PTPRK: variants seen among roughly 807,000 people sequenced by gnomAD.
PTPRK encodes the protein protein tyrosine phosphatase receptor type K, also known as receptor-type tyrosine-protein phosphatase kappa.
In PTPRK, 75 loss-of-function variants were observed where a neutral mutation model predicts 178.0. The observed-to-expected ratio is 0.42, with a 90% CI of 0.35 to 0.51. The LOEUF is 0.51. Among genes scored for constraint, PTPRK ranks in the 20% least tolerant of loss-of-function variants. The pLI, the probability that PTPRK is intolerant of heterozygous loss-of-function variation, is 0.02. For missense variants in PTPRK, 1,441 were observed against 1,797.8 expected (o/e 0.80, Z 3.59); for synonymous variants, 637 against 620.6 (o/e 1.03, Z -0.39).
intron 6 of PTPRK, among the ~76,000 whole-genome samples, chr6:128,215,383 T>C (rs1809088827): frequency 6.6e-6 from 1 of 152,190 alleles, no homozygotes; most frequent in Admixed American, 6.5e-5. Flanking sequence ...TTGAAGCTTA[T>C]AAATACTACT....
rs185827142 is a variant in PTPRK, at chr6:128,131,309, C to G, written c.1163-41317G>C. 1.9e-3 allele frequency among the ~76,000 whole-genome samples: 286 copies of G among 152,180 alleles called. 1 individual carries two copies. The highest frequency in any genetic ancestry group is 6.8e-3 in the African/African-American group (283 of 41,526). On this transcript the variant is annotated intron_variant, in intron 7 of 29. Coordinates refer to ENST00000368226, the MANE Select transcript of PTPRK (RefSeq NM_002844.4). ...GCTTGAAAAACTACTTCTCTGGTAG[C>G]AAAAAACATGGGTGATCAGTTCCAG...
Position 128,370,380 on chromosome 6 carries a change from T to C in PTPRK, c.223+27186A>G, listed in dbSNP as rs113922504. 9.1e-3 allele frequency among the ~76,000 whole-genome samples: 1,392 copies of C among 152,180 alleles called. 15 individuals are homozygous for C. The highest frequency in any genetic ancestry group is 0.032 in the African/African-American group (1,316 of 41,552). On this transcript the variant is annotated intron_variant, in intron 2 of 29. Transcript: ENST00000368226. ...ACAGAATAAACAGTAAAATAGGGAA[T>C]AGAACTCAGGGTCCCCTAAGCTATT...
chr6:128,022,314 G>A (rs554847507), intron 13 of PTPRK, among the ~76,000 whole-genome samples: 2 of 152,200 alleles, frequency 1.3e-5, no homozygotes, highest in South Asian at 4.1e-4. Flanking sequence ...TGTTGGTAGC[G>A]GGGCTGGAAG....
chr6:128,068,330 C>G lies in PTPRK; in HGVS notation c.1884-538G>C, dbSNP rs576081022. 7.2e-5 allele frequency among the ~76,000 whole-genome samples: 11 copies of G among 152,302 alleles called. No individual in the cohort carries two copies. In the South Asian group the frequency reaches 1.9e-3, roughly 26 times the overall value. On this transcript the variant is annotated intron_variant, in intron 11 of 29. Transcript: ENST00000368226. ...CCATGGCATCTACACTGGCTCAGAGCTATGTAGATCTAAAATACAAGTGAC... is the reference window on the plus strand; with the variant it reads ...CCATGGCATCTACACTGGCTCAGAGGTATGTAGATCTAAAATACAAGTGAC...
chr6:128,423,117 T>A (rs189084826), intron 1 of PTPRK, among the ~76,000 whole-genome samples: 1 of 152,288 alleles, frequency 6.6e-6, no homozygotes, highest in East Asian at 1.9e-4. Context: ...ATTTTCAGAG[T>A]CTTCTCATGA....
chr6:128,384,570 C>T lies in PTPRK; in HGVS notation c.223+12996G>A, dbSNP rs1015947404. Among the ~76,000 whole-genome samples the T allele has an allele frequency of 7.9e-5, 12 of 152,086 alleles. No individual in the cohort carries two copies. The Middle Eastern group carries it at 0.01, about 129-fold the overall frequency. The stretch of plus-strand genomic sequence containing the variant: ...GACAAGCTTGATGTAAATAAAACCA[C>T]CAGTGGAAAGAGTTTGTTGTGAGTT... On this transcript the variant is annotated intron_variant, in intron 2 of 29. Coordinates refer to ENST00000368226, the MANE Select transcript of PTPRK (RefSeq NM_002844.4).
At chr6:128,201,463 A>C (rs1409571971) in intron 6 of PTPRK, among the ~76,000 whole-genome samples, 1 of 152,236 alleles carries the variant, frequency 6.6e-6, no homozygotes, top group African/African-American at 2.4e-5. Context: ...AGAATCTAAA[A>C]AAAGGACATG....
intron 13 of PTPRK, among the ~76,000 whole-genome samples, chr6:128,040,075 T>C (rs2114832144): frequency 6.6e-6 from 1 of 152,264 alleles, no homozygotes; most frequent in East Asian, 1.9e-4. Context: ...CAAGAGAAAA[T>C]GCCTGAATTA....
intron 3 of PTPRK, among the ~76,000 whole-genome samples, chr6:128,309,863 A>T (rs909269564): frequency 6.6e-6 from 1 of 151,626 alleles, no homozygotes; most frequent in East Asian, 1.9e-4. Flanking sequence ...CCTCCCAACA[A>T]TATGATCACA....
At chr6:128,082,727 G>T in intron 9 of PTPRK, 89 bp from the exon 10 acceptor site, 1 of 922,864 alleles carries the variant, frequency 1.1e-6, no homozygotes, top group Non-Finnish European at 1.6e-6. Flanking sequence ...GTATGCAAGG[G>T]CATCCATGTG....
Position 127,988,830 on chromosome 6 carries a change from A to G in PTPRK, c.3096+1939T>C, listed in dbSNP as rs1483954240. Among the ~76,000 whole-genome samples, 7 of 151,272 alleles carry G rather than the reference A, an allele frequency of 4.6e-5. No individual in the cohort carries two copies. In the East Asian group the frequency reaches 1.4e-3, roughly 29 times the overall value. ...CTCATTTGTTTCTTTTTTATATTTA[A>G]TTTTTCCTTTGTTCTATTCTACTTT... On this transcript the variant is annotated intron_variant, in intron 21 of 29. Transcript: ENST00000368226.
At chr6:128,484,464 A>C (rs888225643) in intron 1 of PTPRK, among the ~76,000 whole-genome samples, 2 of 152,164 alleles carry the variant, frequency 1.3e-5, no homozygotes, top group African/African-American at 4.8e-5. Flanking sequence ...ATAAATTTCT[A>C]CCTAGAGGCT....
chr6:128,239,409 A>G lies in PTPRK; in HGVS notation c.693+626T>C, dbSNP rs572342329. Among the ~76,000 whole-genome samples, 240 of 152,304 alleles carry G rather than the reference A, an allele frequency of 1.6e-3. 1 individual carries two copies. Among genetic ancestry groups the G allele is most frequent in the African/African-American group, 5.7e-3 (236 of 41,572 alleles). ...TCTATAAATTCTCTGAAGGCAAGGC[A>G]TATTTCTTAGTCTATAGTTTTATCT... On this transcript the variant is annotated intron_variant, in intron 5 of 29. Coordinates refer to ENST00000368226, the MANE Select transcript of PTPRK (RefSeq NM_002844.4).
At chr6:128,013,250 C>T (rs1396266722) in intron 13 of PTPRK, among the ~76,000 whole-genome samples, 1 of 151,306 alleles carries the variant, frequency 6.6e-6, no homozygotes, top group Admixed American at 6.6e-5. Flanking sequence ...AAAATAGGTG[C>T]CCCTTTGAGT....
chr6:128,254,970 A>G (rs1817040956), intron 3 of PTPRK, among the ~76,000 whole-genome samples: 2 of 152,104 alleles, frequency 1.3e-5, no homozygotes, highest in Non-Finnish European at 2.9e-5. Flanking sequence ...ATAAAACAAA[A>G]TAAGTGGAAT....
chr6:128,183,045 T>A lies in PTPRK; in HGVS notation c.1162+1387A>T, dbSNP rs531732297. Among the ~76,000 whole-genome samples the A allele has an allele frequency of 2.1e-4, 32 of 152,302 alleles. No individual in the cohort carries two copies. The South Asian group carries it at 6.4e-3, about 31-fold the overall frequency. ...TGTACATTATAAATGTATGTATATG[T>A]AGAAAAGTGTAATTTTATTAGAAAA... On this transcript the variant is annotated intron_variant, in intron 7 of 29. Coordinates refer to ENST00000368226, the MANE Select transcript of PTPRK (RefSeq NM_002844.4).
intron 3 of PTPRK, among the ~76,000 whole-genome samples, chr6:128,302,391 CAAAAAAAAAAAAA>C (rs534525238): frequency 5.2e-4 from 16 of 30,952 alleles, no homozygotes; most frequent in East Asian, 2.9e-3. Context: ...GACTCAATTC[CAAAAAAAAAAAAA>C]AAAAAAAAAA....
intron 1 of PTPRK, among the ~76,000 whole-genome samples, chr6:128,439,597 C>G (rs1207857305): frequency 6.6e-6 from 1 of 152,122 alleles, no homozygotes; most frequent in African/African-American, 2.4e-5. Flanking sequence ...CAAAAACAGT[C>G]CAAACACCAA....
In PTPRK at chr6:128,184,412, G is replaced by C. The variant is rs190492881; in HGVS notation, c.1162+20C>G. The C allele has an allele frequency of 5.0e-6, 8 of 1,608,496 alleles. No individual in the cohort carries two copies. In the African/African-American group the frequency reaches 1.1e-4, roughly 22 times the overall value. On this transcript the variant is annotated intron_variant, in intron 7 of 29. Transcript: ENST00000368226. Reference sequence around the variant, plus strand: ...CTAGATTCCTTCACAAGGTAGAAAAGGTCTGCTACTCAGTCTTACCTGCAC... The same window carrying C: ...CTAGATTCCTTCACAAGGTAGAAAACGTCTGCTACTCAGTCTTACCTGCAC...
Sources: gnomAD v4.1 joint callset for allele counts (sites outside exome capture counted in the v4.1 genomes callset) on GRCh38, gnomAD v4.1.1 for gene constraint, MANE v1.5 for transcripts, NCBI Gene and HGNC (gene_info 2026-07-23, HGNC 2026-07-21) for gene names.